Variants in FRMPD3 observed in about 807,000 individuals in gnomAD.
The protein encoded by FRMPD3 is FERM and PDZ domain-containing protein 3.
A neutral mutation model predicts 97.9 loss-of-function variants in FRMPD3; 42 were observed. That is an observed-to-expected ratio of 0.43 (90% CI 0.34 to 0.55). The LOEUF is 0.55. Ranked by LOEUF, FRMPD3 falls within the 20% of genes least tolerant of loss-of-function variation. The probability of loss-of-function intolerance (pLI) is 0.03; values close to 1 mark genes in which losing one functional copy is unlikely to be tolerated. For missense variants in FRMPD3, 1,303 were observed against 1,457.7 expected, an observed-to-expected ratio of 0.89 and a Z score of 1.73; for synonymous variants, 577 against 581.1, an observed-to-expected ratio of 0.99 and a Z score of 0.10.
At chrX:107,531,111 T>C (rs1292435782) in intron 3 of FRMPD3, among the ~76,000 whole-genome samples, 1 of 93,598 alleles carries the variant, frequency 1.1e-5, no homozygotes, top group African/African-American at 3.9e-5. Context: ...CTGTGCACAT[T>C]ACACACACAC....
chrX:107,594,477 T>A (rs1247305947), intron 13 of FRMPD3, among the ~76,000 whole-genome samples: 2 of 112,639 alleles, frequency 1.8e-5, no homozygotes, highest in Non-Finnish European at 3.7e-5. Flanking sequence ...TCTACTTAGT[T>A]TGCTCTTGTT....
chrX:107,574,339 T>G (rs1923025337), intron 12 of FRMPD3, among the ~76,000 whole-genome samples: 1 of 111,496 alleles, frequency 9.0e-6, no homozygotes, highest in African/African-American at 3.3e-5. Flanking sequence ...CTATGGCCCA[T>G]GAGCCAAATC....
intron 1 of FRMPD3, among the ~76,000 whole-genome samples, chrX:107,476,579 C>T (rs148652908): frequency 0.016 from 1,775 of 112,128 alleles, 44 homozygotes; most frequent in African/African-American, 0.054. Flanking sequence ...TAGGCTCAGA[C>T]AGGATCCTCA....
intron 4 of FRMPD3, among the ~76,000 whole-genome samples, chrX:107,542,568 C>T (rs1488539979): frequency 2.7e-5 from 3 of 111,864 alleles, no homozygotes; most frequent in Non-Finnish European, 5.6e-5. Context: ...TGAGTTCCTG[C>T]TGGACTCAGG....
intron 4 of FRMPD3, among the ~76,000 whole-genome samples, chrX:107,538,723 C>T (rs1020009996): frequency 9.0e-6 from 1 of 110,961 alleles, no homozygotes; most frequent in Admixed American, 9.6e-5. Flanking sequence ...TGCAGTGGTG[C>T]CATCTCAGCT....
chrX:107,596,541 A>G (rs758845499), intron 13 of FRMPD3, among the ~76,000 whole-genome samples: 3 of 112,257 alleles, frequency 2.7e-5, no homozygotes, highest in Non-Finnish European at 5.6e-5. Context: ...GCACACACCT[A>G]CCATCATTAA....
chrX:107,463,496 T>C (rs887874969), intron 1 of FRMPD3, among the ~76,000 whole-genome samples: 1 of 112,431 alleles, frequency 8.9e-6, no homozygotes, highest in African/African-American at 3.2e-5. Flanking sequence ...TCAAAGATAA[T>C]ATTTCTATAG....
chrX:107,455,959 G>A (rs1931370306), intron 1 of FRMPD3, among the ~76,000 whole-genome samples: 1 of 111,637 alleles, frequency 9.0e-6, no homozygotes, highest in Non-Finnish European at 1.9e-5. Flanking sequence ...GTTCAGACTG[G>A]AAAAAACTTG....
chrX:107,566,697 G>T (rs1922616959), intron 12 of FRMPD3, among the ~76,000 whole-genome samples: 1 of 113,338 alleles, frequency 8.8e-6, no homozygotes, highest in Non-Finnish European at 1.9e-5. Flanking sequence ...CAGAGATTAT[G>T]ATTTCTTTGG....
Position 107,597,704 on chromosome X carries a change from A to C in FRMPD3, c.1825A>C (p.Asn609His). The C allele has an allele frequency of 1.7e-6, 2 of 1,209,134 alleles. No individual in the cohort carries two copies. Among genetic ancestry groups the C allele is most frequent in the Non-Finnish European group, 2.2e-6 (2 of 894,574 alleles). Residue 609 changes from asparagine (N) to histidine (H), a missense_variant, in exon 14 of 15, where the codon AAT becomes CAT. Physicochemically the swap from Asn to His is moderately conservative, Grantham distance 68. Around this residue, in one of 3 missense-constraint regions of FRMPD3, gnomAD observed 535 missense variants for 618.6 expected, o/e 0.86. Transcript: ENST00000683843. ...LDNSLGAEAL[N>H]FYCDSCKAKL... ...CAATTCCCTTGGGGCTGAAGCCCTG[A>C]ATTTCTACTGTGACTCTTGCAAAGC...
intron 1 of FRMPD3, among the ~76,000 whole-genome samples, chrX:107,470,330 A>G (rs1921023358): frequency 8.9e-6 from 1 of 112,456 alleles, no homozygotes; most frequent in South Asian, 3.7e-4. Context: ...AGGTTGCAGT[A>G]TCTGAAGACT....
intron 14 of FRMPD3, 137 bp from the exon 15 acceptor site, chrX:107,600,166 G>A (rs2147652310): frequency 2.7e-6 from 2 of 754,312 alleles, no homozygotes; most frequent in South Asian, 2.9e-5. Context: ...TCGTATCAGG[G>A]ACTTGAGCAT....
At chrX:107,537,843 A>C (rs188122953) in intron 4 of FRMPD3, among the ~76,000 whole-genome samples, 162 of 111,923 alleles carry the variant, frequency 1.4e-3, no homozygotes, top group African/African-American at 5.2e-3. Context: ...TATAACCCCC[A>C]AAATCAATAA....
intron 1 of FRMPD3, among the ~76,000 whole-genome samples, chrX:107,490,360 T>G (rs1006284603): frequency 4.5e-5 from 5 of 112,261 alleles, no homozygotes; most frequent in African/African-American, 1.6e-4. Context: ...AGTAGTTTTT[T>G]CCAATTCTGT....
chrX:107,569,303 A>G (rs112213979), intron 12 of FRMPD3, among the ~76,000 whole-genome samples: 1 of 107,567 alleles, frequency 9.3e-6, no homozygotes, highest in African/African-American at 3.4e-5. Context: ...TCAAAAAAAA[A>G]AAAAAAAAAA....
Position 107,500,462 on chromosome X carries a change from TC to T in FRMPD3, c.-7-26118del, listed in dbSNP as rs537233976. The stretch of plus-strand genomic sequence containing the variant: ...TTGGGCAAGTAACTTAACCTCTTGA[TC>T]CTAAGTTTCCTAATATGTAAAATAG... On this transcript the variant is annotated intron_variant, in intron 1 of 14. Coordinates refer to ENST00000683843, the MANE Select transcript of FRMPD3 (RefSeq NM_001388459.1). Among the ~76,000 whole-genome samples the T allele has an allele frequency of 4.9e-4, 55 of 112,427 alleles. No homozygotes were observed. The East Asian group carries it at 0.012, about 25-fold the overall frequency.
At chrX:107,541,738 A>G (rs1921314503) in intron 4 of FRMPD3, among the ~76,000 whole-genome samples, 1 of 111,966 alleles carries the variant, frequency 8.9e-6, no homozygotes, top group African/African-American at 3.2e-5. Flanking sequence ...TGAGTCCATT[A>G]CATAACACCA....
intron 1 of FRMPD3, among the ~76,000 whole-genome samples, chrX:107,454,789 C>T (rs773563304): frequency 3.6e-5 from 4 of 111,995 alleles, no homozygotes; most frequent in East Asian, 2.8e-4. Flanking sequence ...TCTTCCAACC[C>T]TATTTCTCAT....
At chrX:107,546,939 A>G (rs111233223) in intron 5 of FRMPD3, among the ~76,000 whole-genome samples, 2 of 111,436 alleles carry the variant, frequency 1.8e-5, no homozygotes, top group Admixed American at 9.5e-5. Flanking sequence ...TTCCATCTCC[A>G]TTTCCCTGAC....
Sources: allele counts gnomAD v4.1 joint callset (sites outside exome capture counted in the v4.1 genomes callset), GRCh38; gene constraint gnomAD v4.1.1; regional missense constraint gnomAD v4.1.1; transcripts MANE v1.5; gene names NCBI Gene and HGNC (gene_info 2026-07-23, HGNC 2026-07-21).